Variants in TBX1 observed in about 807,000 individuals in gnomAD.
TBX1 encodes the protein T-box transcription factor 1, also known as T-box transcription factor TBX1.
TBX1 carries 16 observed loss-of-function variants against 40.8 expected under a neutral mutation model. The observed-to-expected ratio is 0.39, with a 90% CI of 0.27 to 0.60. TBX1 has a LOEUF of 0.60. Among genes scored for constraint, TBX1 ranks in the 20% least tolerant of loss-of-function variants. TBX1 has a pLI of 0.51. For synonymous variants in TBX1, 403 were observed against 336.8 expected, an observed-to-expected ratio of 1.20 and a Z score of -2.15; for missense variants, 755 against 728.5, an observed-to-expected ratio of 1.04 and a Z score of -0.42.
At chr22:19,767,369 G>C (rs890053441), downstream of TBX1, 1 of 986,778 alleles carries the variant, frequency 1.0e-6, no homozygotes, top group African/African-American at 1.7e-5. Context: ...TGCCCAGTTA[G>C]ATCGCGTTGG....
chr22:19,771,886 G>A (rs1936995999), downstream of TBX1, among the ~76,000 whole-genome samples: 2 of 152,204 alleles, frequency 1.3e-5, no homozygotes, highest in South Asian at 4.1e-4. Context: ...CGCCCACTGT[G>A]GCCTCGGGCA....
chr22:19,759,202 A>G (rs1191418905), upstream of TBX1, among the ~76,000 whole-genome samples: 1 of 152,174 alleles, frequency 6.6e-6, no homozygotes, highest in African/African-American at 2.4e-5. Flanking sequence ...GAGCAACGGG[A>G]TGTTCAAGGG....
At chr22:19,770,416 C>G (rs922803099), downstream of TBX1, among the ~76,000 whole-genome samples, 1 of 152,350 alleles carries the variant, frequency 6.6e-6, no homozygotes, top group South Asian at 2.1e-4. Context: ...CCCCCCACGG[C>G]TGCCCTCTGC....
rs1278715671 is a variant in TBX1 at position 19,763,400 on chromosome 22, C to A, written c.539+58C>A. On this transcript the variant is annotated intron_variant, in intron 2 of 6. Coordinates refer to ENST00000649276, the MANE Select transcript of TBX1 (RefSeq NM_001379200.1). ...GAGGGCACCCTGGAAAGTGGCGGGT[C>A]TCCGCCTGGTGACCCAACTCCAAGG... The A allele has an allele frequency of 5.8e-6, 9 of 1,538,692 alleles. No homozygotes were observed. In the East Asian group the frequency reaches 1.8e-4, roughly 31 times the overall value.
At chr22:19,770,452 C>T (rs1936970932), downstream of TBX1, among the ~76,000 whole-genome samples, 1 of 152,202 alleles carries the variant, frequency 6.6e-6, no homozygotes, top group Non-Finnish European at 1.5e-5. Flanking sequence ...GTCGAAGGGA[C>T]AATGGGCACT....
In TBX1 at chr22:19,764,455, G is replaced by A. The variant is rs554250783; in HGVS notation, c.711+129G>A. ...CCCCAGGCGGCTCTGGGCTGTCCCC[G>A]AGGAGGCCCTTTAGAGTCCCTGCGA... On this transcript the variant is annotated intron_variant, in intron 3 of 6. Transcript: ENST00000649276. The A allele has an allele frequency of 1.9e-5, 23 of 1,219,086 alleles. No individual in the cohort carries two copies. In the East Asian group the frequency reaches 2.9e-4, roughly 15 times the overall value. 75.5% of individuals were successfully genotyped at this position (1,219,086 alleles called of 1,614,324 possible).
At position 19,761,588 on chromosome 22, in the gene TBX1, G is replaced by A. The variant is rs1008505439; in HGVS notation, c.437+308G>A. 5.3e-5 allele frequency among the ~76,000 whole-genome samples: 8 copies of A among 152,052 alleles called. No homozygotes were observed. In the South Asian group the frequency reaches 8.3e-4, roughly 16 times the overall value. ...GCCCCGCAGCCCCAGGACGCCGCGCGGCCCAGAAACCGGCCCGGCTTGGGG... is the reference window on the plus strand; with the variant it reads ...GCCCCGCAGCCCCAGGACGCCGCGCAGCCCAGAAACCGGCCCGGCTTGGGG... On this transcript the variant is annotated intron_variant, in intron 1 of 6. Coordinates refer to ENST00000649276, the MANE Select transcript of TBX1 (RefSeq NM_001379200.1).
At chr22:19,768,950 A>ATTTTTTTTTTTTT (rs1601297935), downstream of TBX1, among the ~76,000 whole-genome samples, 3 of 70,714 alleles carry the variant, frequency 4.2e-5, no homozygotes, top group Admixed American at 1.7e-4. Context: ...GGCTGTTCGC[A>ATTTTTTTTTTTTT]TTCTTTTTTT....
At chr22:19,778,242 G>A (rs918730013) in intron 8 of TBX1, among the ~76,000 whole-genome samples, 2 of 151,496 alleles carry the variant, frequency 1.3e-5, no homozygotes, top group African/African-American at 2.4e-5. Context: ...CTACAGGTGT[G>A]TGCCACCACA....
Position 19,766,901 on chromosome 22 carries a change from C to T in TBX1, c.*34C>T. 5 of 1,578,552 alleles carry T rather than the reference C, an allele frequency of 3.2e-6. No homozygotes were observed. The highest frequency in any genetic ancestry group is 3.4e-6 in the Non-Finnish European group (4 of 1,170,560). ...CTGTCGCGCTCCCGCCCCGGTCCTG[C>T]ACAGCCCCGAAGTTCGCCGGGCCCG... On this transcript the variant is annotated 3_prime_UTR_variant, in exon 7 of 7. Coordinates refer to ENST00000649276, the MANE Select transcript of TBX1 (RefSeq NM_001379200.1).
rs200909731 is a variant in TBX1 at position 19,779,207 on chromosome 22, G to A, written c.1010-13G>A. Reference sequence around the variant, plus strand: ...TACTTCATCCACTCTCATTGGATGGGGTTGTCACCCAGGTGGACATGTCCT... The same window carrying A: ...TACTTCATCCACTCTCATTGGATGGAGTTGTCACCCAGGTGGACATGTCCT... On this transcript the variant is annotated splice_polypyrimidine_tract_variant and intron_variant, in intron 8 of 8. Coordinates refer to the TBX1 transcript ENST00000329705. 37 of 1,614,136 alleles carry A rather than the reference G, an allele frequency of 2.3e-5. No homozygotes were observed. In the Admixed American group the frequency reaches 6.2e-4, roughly 27 times the overall value.
At position 19,766,741 on chromosome 22, in the gene TBX1, C is replaced by A; in HGVS notation, c.1389C>A (p.His463Gln). The A allele has an allele frequency of 2.0e-6, 3 of 1,537,606 alleles. No individual in the cohort carries two copies. The part of the protein sequence containing the change: ...HGYHPHAHPH[H>Q]HHHPVSPAAA... ...ACCACCCGCACGCGCATCCGCACCA[C>A]CACCACCACCCCGTGAGTCCAGCCG... Residue 463 changes from histidine (H) to glutamine (Q), a missense_variant, in exon 7 of 7, where the codon CAC becomes CAA. His to Gln is a conservative substitution (Grantham distance 24). Transcript: ENST00000649276.
intron 1 of TBX1, among the ~76,000 whole-genome samples, 185 bp from the exon 2 acceptor site, chr22:19,763,056 G>A (rs1187404180): frequency 6.6e-6 from 1 of 152,204 alleles, no homozygotes; most frequent in Non-Finnish European, 1.5e-5. Flanking sequence ...CAAGCTCCCA[G>A]TTGAGTAGGG....
At chr22:19,763,699 T>G (rs1936741062) in intron 2 of TBX1, 3 of 404,066 alleles carry the variant, frequency 7.4e-6, no homozygotes, top group Non-Finnish European at 9.1e-6. Flanking sequence ...CCCAGGGAAC[T>G]CTGGATCCTG....
At chr22:19,770,929 G>A (rs781367100), downstream of TBX1, among the ~76,000 whole-genome samples, 4 of 152,144 alleles carry the variant, frequency 2.6e-5, no homozygotes, top group East Asian at 3.8e-4. Flanking sequence ...CATGTGGCCC[G>A]TGTTCCAGAG....
rs761590228 is a variant in TBX1, at chr22:19,766,679, G to C, written c.1327G>C (p.Ala443Pro). 6.5e-7 allele frequency: 1 copy of C among 1,549,842 alleles called. No individual in the cohort carries two copies. Among genetic ancestry groups the C allele is most frequent in the Admixed American group, 1.8e-5 (1 of 55,308 alleles). The change falls in exon 7 of 7, where the codon GCG becomes CCG. Residue 443 changes from alanine to proline, a missense_variant. By Grantham distance (27) the Ala-to-Pro change is conservative. Coordinates refer to ENST00000649276, the MANE Select transcript of TBX1 (RefSeq NM_001379200.1). ...DHYLGAKSRP[A>P]PYPLPGLRGH... ...CTATCTCGGGGCCAAGAGCCGGCCG[G>C]CGCCCTACCCGCTGCCCGGCCTGCG...
Position 19,761,184 on chromosome 22 carries a change from C to T in TBX1, c.341C>T (p.Ala114Val), listed in dbSNP as rs1462448271. The T allele has an allele frequency of 1.9e-6, 3 of 1,540,380 alleles. No homozygotes were observed. The highest frequency in any genetic ancestry group is 2.9e-5 in the African/African-American group (2 of 69,830). Residue 114 changes from alanine (A) to valine (V), a missense_variant, in exon 1 of 7, where the codon GCG becomes GTG. Physicochemically the swap from Ala to Val is moderately conservative, Grantham distance 64. Around this residue, in one of 3 missense-constraint regions of TBX1, gnomAD observed 199 missense variants for 173.0 expected, o/e 1.15. Coordinates refer to ENST00000649276, the MANE Select transcript of TBX1 (RefSeq NM_001379200.1). ...AAAKAPVKKN[A>V]KVAGVSVQLE... ...GCCAAGGCGCCGGTGAAGAAGAACG[C>T]GAAGGTGGCCGGTGTGAGCGTGCAG...
chr22:19,758,012 C>G (rs1445236133), upstream of TBX1, among the ~76,000 whole-genome samples: 1 of 152,162 alleles, frequency 6.6e-6, no homozygotes, highest in Non-Finnish European at 1.5e-5. Flanking sequence ...CCCAGACAGG[C>G]AGCACTATTC....
At chr22:19,776,656 G>A (rs571717376) in intron 8 of TBX1, among the ~76,000 whole-genome samples, 50 of 152,356 alleles carry the variant, frequency 3.3e-4, no homozygotes, top group African/African-American at 1.2e-3. Flanking sequence ...ATCAGTCTGG[G>A]TGGGCAAGAC....
Sources: allele counts gnomAD v4.1 joint callset (sites outside exome capture counted in the v4.1 genomes callset), GRCh38; gene constraint gnomAD v4.1.1; regional missense constraint gnomAD v4.1.1; transcripts MANE v1.5; gene names NCBI Gene and HGNC (gene_info 2026-07-23, HGNC 2026-07-21).